The following ANKH variants were observed in gnomAD, a reference collection of about 807,000 sequenced individuals.
ANKH encodes mineralization regulator ANKH.
In ANKH, 15 loss-of-function variants were observed where a neutral mutation model predicts 49.0. That is an observed-to-expected ratio of 0.31 (90% CI 0.20 to 0.47). The LOEUF (loss-of-function observed/expected upper bound fraction) is 0.47. ANKH is among the 20% of genes least tolerant of loss of function. ANKH has a pLI of 1.00. For missense variants in ANKH, 429 were observed against 652.0 expected, an observed-to-expected ratio of 0.66 and a Z score of 3.72; for synonymous variants, 273 against 260.0, an observed-to-expected ratio of 1.05 and a Z score of -0.48.
At chr5:14,845,373 T>A (rs112834205) in intron 1 of ANKH, among the ~76,000 whole-genome samples, 1,055 of 45,730 alleles carry the variant, frequency 0.023, 11 homozygotes, top group African/African-American at 0.066. Flanking sequence ...TATATTTTTT[T>A]TTTTACCTTT....
At chr5:14,798,438 G>A (rs563745201) in intron 1 of ANKH, 245 of 1,522,962 alleles carry the variant, frequency 1.6e-4, no homozygotes, top group Non-Finnish European at 1.3e-4. Flanking sequence ...GGGGTCGAGC[G>A]TTGTGGGAGG....
At chr5:14,759,863 GAGAAGGAAAGGAAAA>G (rs900886147) in intron 2 of ANKH, among the ~76,000 whole-genome samples, 1 of 19,566 alleles carries the variant, frequency 5.1e-5, no homozygotes, top group African/African-American at 2.5e-4. Flanking sequence ...GGGAAGGAAA[GAGAAGGAAAGGAAAA>G]GAAAGACAAG....
chr5:14,824,046 T>G (rs1395917192), intron 1 of ANKH, among the ~76,000 whole-genome samples: 1 of 151,514 alleles, frequency 6.6e-6, no homozygotes, highest in East Asian at 1.9e-4. Context: ...CAACCAAGAG[T>G]CTGCAGAGCC....
intron 1 of ANKH, among the ~76,000 whole-genome samples, chr5:14,779,295 G>A (rs1455383708): frequency 6.6e-6 from 1 of 151,926 alleles, no homozygotes; most frequent in Non-Finnish European, 1.5e-5. Flanking sequence ...TACTTGACTG[G>A]CCTTCCCATC....
chr5:14,831,888 T>C (rs115379285), intron 1 of ANKH, among the ~76,000 whole-genome samples: 2,997 of 152,294 alleles, frequency 0.02, 50 homozygotes, highest in Non-Finnish European at 0.028. Flanking sequence ...ATTAAATTAT[T>C]AAGAAAGATA....
intron 1 of ANKH, among the ~76,000 whole-genome samples, chr5:14,783,076 G>A (rs755720953): frequency 4.6e-5 from 7 of 152,094 alleles, no homozygotes; most frequent in Non-Finnish European, 7.3e-5. Context: ...TAACTGGCAC[G>A]CATCAAGTTT....
chr5:14,862,351 T>G (rs1030228394), intron 1 of ANKH, among the ~76,000 whole-genome samples: 1 of 152,252 alleles, frequency 6.6e-6, no homozygotes, highest in Admixed American at 6.5e-5. Context: ...AATGTTTTCA[T>G]TGTAATTTTA....
At chr5:14,842,242 T>C (rs1179769236) in intron 1 of ANKH, among the ~76,000 whole-genome samples, 1 of 152,184 alleles carries the variant, frequency 6.6e-6, no homozygotes, top group African/African-American at 2.4e-5. Context: ...TGTGGTTTCT[T>C]ACTTGGCTGA....
At chr5:14,802,162 C>A (rs889553280) in intron 1 of ANKH, among the ~76,000 whole-genome samples, 2 of 152,132 alleles carry the variant, frequency 1.3e-5, no homozygotes, top group Admixed American at 1.3e-4. Context: ...GGGTGGCTGG[C>A]AGGTGCTTCA....
chr5:14,844,590 C>T (rs771149916), intron 1 of ANKH, among the ~76,000 whole-genome samples: 4 of 152,180 alleles, frequency 2.6e-5, no homozygotes, highest in East Asian at 3.8e-4. Context: ...GAAACAACAG[C>T]GGTCAGGGAG....
intron 1 of ANKH, among the ~76,000 whole-genome samples, chr5:14,845,697 T>C (rs1561081421): frequency 6.6e-6 from 1 of 152,146 alleles, no homozygotes; most frequent in Non-Finnish European, 1.5e-5. Flanking sequence ...CACCTTGGGC[T>C]CTGTGGGGTG....
At chr5:14,784,463 C>T (rs1012823547) in intron 1 of ANKH, among the ~76,000 whole-genome samples, 15 of 152,124 alleles carry the variant, frequency 9.9e-5, no homozygotes, top group Admixed American at 3.3e-4. Flanking sequence ...TGGTGAGTGG[C>T]GGTGCACGGC....
In ANKH at chr5:14,757,431, T is replaced by TATATC. The variant is rs1491137786; in HGVS notation, c.432+1048_432+1049insGATAT. Among the ~76,000 whole-genome samples, 93 of 106,620 alleles carry TATATC rather than the reference T, an allele frequency of 8.7e-4. 1 individual carries two copies. Among genetic ancestry groups the TATATC allele is most frequent in the Middle Eastern group, 5.4e-3 (1 of 184 alleles). The allele number at this position is 106,620 out of a possible 152,430, so 69.9% of individuals were successfully genotyped here. On this transcript the variant is annotated intron_variant, in intron 3 of 11. Coordinates refer to ENST00000284268, the MANE Select transcript of ANKH (RefSeq NM_054027.6). Reference sequence around the variant, plus strand: ...ATTGGAACATATATATATATATATATTTTTTTTTTTTTTTTTTTGCTAAGT... The same window carrying TATATC: ...ATTGGAACATATATATATATATATATATATCTTTTTTTTTTTTTTTTTTGCTAAGT...
At position 14,725,985 on chromosome 5, in the gene ANKH, A is replaced by G. The variant is rs1393858034; in HGVS notation, c.1012-9150T>C. Among the ~76,000 whole-genome samples the G allele has an allele frequency of 6.6e-6, 1 of 152,202 alleles. No individual in the cohort carries two copies. The highest frequency in any genetic ancestry group is 2.4e-5 in the African/African-American group (1 of 41,450). ...TTTTAAATAAAACAGACCCCTGTAG[A>G]TGTCTTCACGGATATCATCAAACTT... On this transcript the variant is annotated intron_variant, in intron 8 of 11. Transcript: ENST00000284268. This position sits in a 1 kb window ranked among gnomAD's most constrained non-coding sequence, Gnocchi z 4.0.
chr5:14,772,008 A>C (rs1739460650), intron 1 of ANKH, among the ~76,000 whole-genome samples: 1 of 151,898 alleles, frequency 6.6e-6, no homozygotes, highest in Non-Finnish European at 1.5e-5. Flanking sequence ...TGATTGTAAG[A>C]TGTATCCAGA....
At chr5:14,823,326 T>C (rs1741247840) in intron 1 of ANKH, among the ~76,000 whole-genome samples, 1 of 152,202 alleles carries the variant, frequency 6.6e-6, no homozygotes, top group African/African-American at 2.4e-5. Context: ...CACTTAAATA[T>C]CAGTGTCTCT....
At chr5:14,805,485 T>TACACACACAC (rs111728811) in intron 1 of ANKH, among the ~76,000 whole-genome samples, 40 of 132,244 alleles carry the variant, frequency 3.0e-4, no homozygotes, top group African/African-American at 1.1e-3. Flanking sequence ...GTTTATAGGA[T>TACACACACAC]ACACACACAC....
At chr5:14,787,780 C>T (rs1364418173) in intron 1 of ANKH, among the ~76,000 whole-genome samples, 3 of 152,170 alleles carry the variant, frequency 2.0e-5, no homozygotes, top group African/African-American at 7.2e-5. Flanking sequence ...CAGATGCCTA[C>T]CTGCTCATCT....
At chr5:14,820,575 G>C (rs1001338888) in intron 1 of ANKH, among the ~76,000 whole-genome samples, 8 of 152,152 alleles carry the variant, frequency 5.3e-5, no homozygotes, top group Non-Finnish European at 7.3e-5. Context: ...TCTTGCTGAG[G>C]GCAGGCCAAC....
Sources: gnomAD v4.1 joint callset for allele counts (sites outside exome capture counted in the v4.1 genomes callset) on GRCh38, gnomAD v4.1.1 for gene constraint, Gnocchi (gnomAD v3.1) non-coding constraint, MANE v1.5 for transcripts, NCBI Gene and HGNC (gene_info 2026-07-23, HGNC 2026-07-21) for gene names.